The following MIPOL1 variants were observed in gnomAD, a reference collection of about 807,000 sequenced individuals.
MIPOL1 encodes mirror-image polydactyly gene 1 protein.
In MIPOL1, 57 loss-of-function variants were observed where a neutral mutation model predicts 60.9. The ratio of observed to expected loss-of-function variants is 0.94; its 90% CI spans 0.76 to 1.17. The LOEUF (loss-of-function observed/expected upper bound fraction) is 1.17. Ranked by LOEUF, MIPOL1 falls within the 50% of genes most tolerant of loss-of-function variation. The pLI is 0.00. For missense variants in MIPOL1, 551 were observed against 511.6 expected (o/e 1.08, Z -0.74); for synonymous variants, 179 against 168.8 (o/e 1.06, Z -0.47).
At chr14:37,243,747 A>C (rs1230686331) in intron 1 of MIPOL1, among the ~76,000 whole-genome samples, 1 of 152,196 alleles carries the variant, frequency 6.6e-6, no homozygotes, top group East Asian at 1.9e-4. Context: ...ATACTGTTAC[A>C]TTGGGGAATG....
chr14:37,293,554 C>G (rs2085303119), intron 7 of MIPOL1, among the ~76,000 whole-genome samples: 1 of 152,136 alleles, frequency 6.6e-6, no homozygotes, highest in African/African-American at 2.4e-5. Context: ...AATTCCCTTT[C>G]CTAGTCAAAG....
intron 1 of MIPOL1, among the ~76,000 whole-genome samples, chr14:37,228,325 C>CTTT (rs397961053): frequency 6.7e-4 from 70 of 105,120 alleles, no homozygotes; most frequent in Non-Finnish European, 9.2e-4. Context: ...TCTTTCTTTT[C>CTTT]TTTTTTTTTT....
At chr14:37,231,117 C>A (rs1970563431) in intron 1 of MIPOL1, among the ~76,000 whole-genome samples, 1 of 152,044 alleles carries the variant, frequency 6.6e-6, no homozygotes. Context: ...ATTTTTGAGA[C>A]AAGGTCTTGC....
chr14:37,338,678 G>C (rs1192871638), intron 9 of MIPOL1, among the ~76,000 whole-genome samples: 1 of 152,082 alleles, frequency 6.6e-6, no homozygotes, highest in Non-Finnish European at 1.5e-5. Flanking sequence ...AAAAGTGCTG[G>C]AATTACAGAT....
chr14:37,400,857 C>T (rs2093468048), intron 10 of MIPOL1: 1 of 152,042 alleles, frequency 6.6e-6, no homozygotes, highest in African/African-American at 2.4e-5. Context: ...GAACCCATAC[C>T]ATCTGATATG....
intron 9 of MIPOL1, among the ~76,000 whole-genome samples, chr14:37,310,131 T>C (rs1486785679): frequency 2.6e-5 from 4 of 152,136 alleles, no homozygotes; most frequent in Non-Finnish European, 5.9e-5. Flanking sequence ...TAATATACCC[T>C]CATTTCTCTT....
intron 11 of MIPOL1, among the ~76,000 whole-genome samples, chr14:37,445,432 C>G (rs12887833): frequency 1 from 151,585 of 151,676 alleles, 75,747 homozygotes; most frequent in Middle Eastern, 1. Context: ...AGGATACAAA[C>G]AAATGGAAGA....
intron 10 of MIPOL1, among the ~76,000 whole-genome samples, chr14:37,391,694 A>G (rs895480549): frequency 6.6e-6 from 1 of 152,100 alleles, no homozygotes; most frequent in African/African-American, 2.4e-5. Flanking sequence ...GTGCCCAGCC[A>G]CTTATTCAAA....
rs759341979 is a variant in MIPOL1 at position 37,267,097 on chromosome 14, G to T, written c.179G>T (p.Arg60Ile). ...GAGAACACAGAATGGCCAGGGCAGAGATCAACGAATTTTCAGATCATCAGT... is the reference window on the plus strand; with the variant it reads ...GAGAACACAGAATGGCCAGGGCAGATATCAACGAATTTTCAGATCATCAGT... ...TCENTEWPGQ[R>I]STNFQIISSY... The change falls in exon 4 of 13, where the codon AGA becomes ATA. Residue 60 changes from arginine (R) to isoleucine (I), a missense_variant. Coordinates refer to ENST00000684589, the MANE Select transcript of MIPOL1 (RefSeq NM_001388067.1). 7 of 1,613,988 alleles carry T rather than the reference G, an allele frequency of 4.3e-6. No homozygotes were observed. The highest frequency in any genetic ancestry group is 1.3e-5 in the African/African-American group (1 of 75,034).
chr14:37,200,673 T>G (rs922383255), intron 1 of MIPOL1, among the ~76,000 whole-genome samples: 3 of 150,928 alleles, frequency 2.0e-5, no homozygotes, highest in African/African-American at 7.3e-5. Context: ...AGTTTTTTTT[T>G]TTTTTTTTTT....
chr14:37,549,036 A>G lies in MIPOL1; in HGVS notation c.*2065A>G, dbSNP rs566156197. On this transcript the variant is annotated 3_prime_UTR_variant, in exon 13 of 13. Coordinates refer to ENST00000684589, the MANE Select transcript of MIPOL1 (RefSeq NM_001388067.1). ...ATGCAAAGTATTACAGCCAAATATTATCTTAATTAATTTCTTACACTTAAA... is the reference window on the plus strand; with the variant it reads ...ATGCAAAGTATTACAGCCAAATATTGTCTTAATTAATTTCTTACACTTAAA... 8.6e-5 allele frequency: 13 copies of G among 151,516 alleles called. No individual in the cohort carries two copies. Among genetic ancestry groups the G allele is most frequent in the African/African-American group, 3.1e-4 (13 of 41,564 alleles). 9.4% of individuals were successfully genotyped at this position (151,516 alleles called of 1,614,324 possible). A position where few individuals can be genotyped will look rare whatever the true frequency, so the allele number is the denominator to read the frequency against.
intron 12 of MIPOL1, 78 bp downstream of exon 12, chr14:37,500,216 A>G (rs145034302): frequency 7.3e-4 from 708 of 965,886 alleles, no homozygotes; most frequent in Non-Finnish European, 3.5e-4. Flanking sequence ...ACTAAACAAT[A>G]TGTAGTTATT....
intron 10 of MIPOL1, among the ~76,000 whole-genome samples, chr14:37,378,167 C>T (rs1042605793): frequency 2.0e-5 from 3 of 151,990 alleles, no homozygotes; most frequent in Admixed American, 1.3e-4. Flanking sequence ...TACCATATAA[C>T]CCAGCTATTG....
chr14:37,245,678 C>T lies in MIPOL1; in HGVS notation c.-198-1425C>T, dbSNP rs114242737. Among the ~76,000 whole-genome samples the T allele has an allele frequency of 5.5e-3, 838 of 152,138 alleles. 9 individuals are homozygous for T. The highest frequency in any genetic ancestry group is 0.02 in the African/African-American group (816 of 41,532). Reference sequence around the variant, plus strand: ...TTAAGCATTATCTTCTGCCAAGGACCATTTGCATTTTTTGAAGAAGTAAAC... The same window carrying T: ...TTAAGCATTATCTTCTGCCAAGGACTATTTGCATTTTTTGAAGAAGTAAAC... On this transcript the variant is annotated intron_variant, in intron 1 of 12. Transcript: ENST00000684589.
chr14:37,369,487 T>G (rs1490274261), intron 9 of MIPOL1, 30 bp from the exon 10 acceptor site: 1 of 1,544,056 alleles, frequency 6.5e-7, no homozygotes, highest in Non-Finnish European at 8.9e-7. Flanking sequence ...TATAACTCCT[T>G]TACTTAATGG....
chr14:37,373,431 G>A (rs1372166926), intron 10 of MIPOL1, among the ~76,000 whole-genome samples: 5 of 151,500 alleles, frequency 3.3e-5, no homozygotes, highest in South Asian at 2.1e-4. Flanking sequence ...TAAGTTCTGG[G>A]GTACATGTGC....
chr14:37,551,919 T>TAATA (rs1483070532), downstream of MIPOL1: 2 of 148,038 alleles, frequency 1.4e-5, no homozygotes, highest in African/African-American at 5.0e-5. Flanking sequence ...ATAATAATAA[T>TAATA]AGACTGACTC....
At chr14:37,355,907 C>T (rs901788878) in intron 9 of MIPOL1, among the ~76,000 whole-genome samples, 4 of 147,788 alleles carry the variant, frequency 2.7e-5, no homozygotes, top group Admixed American at 6.8e-5. Flanking sequence ...TCTCTCAGCT[C>T]GTCAAAGTCA....
intron 7 of MIPOL1, among the ~76,000 whole-genome samples, chr14:37,292,222 C>T (rs547372631): frequency 9.7e-4 from 147 of 151,822 alleles, no homozygotes; most frequent in South Asian, 4.8e-3. Flanking sequence ...GAAGCCACCA[C>T]GCCCAGCTGG....
Sources: allele counts gnomAD v4.1 joint callset (sites outside exome capture counted in the v4.1 genomes callset), GRCh38; gene constraint gnomAD v4.1.1; transcripts MANE v1.5; gene names NCBI Gene and HGNC (gene_info 2026-07-23, HGNC 2026-07-21).